CADPS2: variants seen among roughly 807,000 people sequenced by gnomAD.
The protein encoded by CADPS2 is calcium dependent secretion activator 2, also known as calcium-dependent secretion activator 2.
In CADPS2, 93 loss-of-function variants were observed where a neutral mutation model predicts 172.5. That is an observed-to-expected ratio of 0.54 (90% CI 0.46 to 0.64). The LOEUF is 0.64. Ranked by LOEUF, CADPS2 falls within the 30% of genes least tolerant of loss-of-function variation. The pLI is 0.00. For synonymous variants in CADPS2, 546 were observed against 555.2 expected (o/e 0.98, Z 0.23); for missense variants, 1,420 against 1,565.9 (o/e 0.91, Z 1.57).
intron 11 of CADPS2, among the ~76,000 whole-genome samples, chr7:122,484,733 T>C (rs1225328152): frequency 6.6e-6 from 1 of 151,280 alleles, no homozygotes; most frequent in African/African-American, 2.4e-5. Context: ...TAGGAGAAAA[T>C]ATTTGCAAAT....
intron 4 of CADPS2, among the ~76,000 whole-genome samples, chr7:122,625,325 T>C (rs573748238): frequency 5.3e-5 from 8 of 152,154 alleles, no homozygotes; most frequent in Admixed American, 6.5e-5. Context: ...GCTGGGATTA[T>C]AGGCATGAGC....
intron 6 of CADPS2, among the ~76,000 whole-genome samples, chr7:122,594,002 A>T (rs1159126918): frequency 6.6e-6 from 1 of 152,122 alleles, no homozygotes; most frequent in Non-Finnish European, 1.5e-5. Flanking sequence ...AAATGACACA[A>T]ATTTTAATAG....
At chr7:122,827,411 C>T (rs1404473908) in intron 1 of CADPS2, among the ~76,000 whole-genome samples, 1 of 21,838 alleles carries the variant, frequency 4.6e-5, no homozygotes, top group Non-Finnish European at 7.7e-5. Flanking sequence ...AATCCCAGCA[C>T]TTTGGGAGGT....
chr7:122,770,372 T>A (rs2093673195), intron 1 of CADPS2, among the ~76,000 whole-genome samples: 1 of 152,110 alleles, frequency 6.6e-6, no homozygotes, highest in Admixed American at 6.5e-5. Context: ...TTATTATTAT[T>A]ATTTATTTTT....
intron 6 of CADPS2, among the ~76,000 whole-genome samples, chr7:122,598,665 T>C (rs2072273166): frequency 6.6e-6 from 1 of 152,120 alleles, no homozygotes; most frequent in Admixed American, 6.6e-5. Context: ...ATATCTATAG[T>C]TTTATAGGCA....
intron 1 of CADPS2, among the ~76,000 whole-genome samples, chr7:122,812,639 G>A (rs1800309243): frequency 6.6e-6 from 1 of 152,030 alleles, no homozygotes; most frequent in Non-Finnish European, 1.5e-5. Context: ...AAAAATGTGT[G>A]TATATTGGTG....
chr7:122,773,690 A>T (rs370093842), intron 1 of CADPS2, among the ~76,000 whole-genome samples: 9 of 152,088 alleles, frequency 5.9e-5, no homozygotes, highest in African/African-American at 2.2e-4. Flanking sequence ...TTTTTCAGGC[A>T]TTGCTTTAAT....
At chr7:122,639,794 C>T (rs187573420) in intron 3 of CADPS2, among the ~76,000 whole-genome samples, 10 of 152,148 alleles carry the variant, frequency 6.6e-5, no homozygotes, top group Non-Finnish European at 1.5e-4. Context: ...GTCCCTTGAG[C>T]GCTCATAAAC....
At chr7:122,474,583 G>T in intron 12 of CADPS2, 66 bp from the exon 13 acceptor site, 2 of 1,484,602 alleles carry the variant, frequency 1.3e-6, no homozygotes, top group Non-Finnish European at 9.2e-7. Context: ...CATACAAGTT[G>T]TGAAGAATAC....
intron 9 of CADPS2, among the ~76,000 whole-genome samples, chr7:122,498,027 C>T (rs2058890508): frequency 1.3e-5 from 2 of 152,146 alleles, no homozygotes; most frequent in Admixed American, 1.3e-4. Context: ...ACGAACTCGG[C>T]TCACTGCAAC....
intron 2 of CADPS2, among the ~76,000 whole-genome samples, chr7:122,732,245 G>C (rs898121893): frequency 2.0e-5 from 3 of 151,266 alleles, no homozygotes; most frequent in Non-Finnish European, 4.4e-5. Context: ...TGGAGAAAAA[G>C]AAATATATCT....
At chr7:122,760,812 T>TCCA (rs2093353313) in intron 1 of CADPS2, among the ~76,000 whole-genome samples, 1 of 51,034 alleles carries the variant, frequency 2.0e-5, no homozygotes. Context: ...GGGCCTGTTG[T>TCCA]GGGGTGGGGG....
chr7:122,354,239 G>A (rs1281062628), intron 27 of CADPS2: 1 of 151,900 alleles, frequency 6.6e-6, no homozygotes, highest in African/African-American at 2.4e-5. Flanking sequence ...AGCATTTATT[G>A]TGCACTAATT....
chr7:122,486,580 T>C (rs1196717304), intron 11 of CADPS2, among the ~76,000 whole-genome samples: 3 of 152,242 alleles, frequency 2.0e-5, no homozygotes, highest in African/African-American at 7.2e-5. Context: ...TGGAATCTAC[T>C]TCTGGTGAAG....
chr7:122,865,453 C>T (rs1818054363), intron 1 of CADPS2, among the ~76,000 whole-genome samples: 1 of 152,198 alleles, frequency 6.6e-6, no homozygotes, highest in Non-Finnish European at 1.5e-5. Context: ...CAGCCAGCTA[C>T]TGACAGATTT....
intron 1 of CADPS2, among the ~76,000 whole-genome samples, chr7:122,878,011 C>T (rs965597748): frequency 2.3e-5 from 2 of 86,188 alleles, no homozygotes; most frequent in Non-Finnish European, 4.2e-5. Flanking sequence ...TAAAAAGTGG[C>T]ACTTTGGGAG....
chr7:122,727,787 A>G (rs1256064969), intron 2 of CADPS2, among the ~76,000 whole-genome samples: 4 of 152,100 alleles, frequency 2.6e-5, no homozygotes, highest in African/African-American at 9.6e-5. Context: ...CTCAGACATG[A>G]AAACACATTG....
chr7:122,703,983 A>C (rs2136338539), intron 2 of CADPS2, among the ~76,000 whole-genome samples: 1 of 152,214 alleles, frequency 6.6e-6, no homozygotes, highest in South Asian at 2.1e-4. Flanking sequence ...CTTTATCTAA[A>C]GTCTGTTTCA....
intron 28 of CADPS2, chr7:122,330,742 G>A (rs2150804597): frequency 6.6e-6 from 1 of 152,376 alleles, no homozygotes; most frequent in East Asian, 1.9e-4. Context: ...CATGGTGGGG[G>A]AAGAGAAGAG....
Sources: allele counts gnomAD v4.1 joint callset (sites outside exome capture counted in the v4.1 genomes callset), GRCh38; gene constraint gnomAD v4.1.1; transcripts MANE v1.5; gene names NCBI Gene and HGNC (gene_info 2026-07-23, HGNC 2026-07-21).